Variants in ADAM28 observed in about 807,000 individuals in gnomAD.
The protein encoded by ADAM28 is ADAM metallopeptidase domain 28, also known as disintegrin and metalloproteinase domain-containing protein 28.
ADAM28 carries 105 observed loss-of-function variants against 101.2 expected under a neutral mutation model. The ratio of observed to expected loss-of-function variants is 1.04; its 90% CI spans 0.89 to 1.22. ADAM28 has a LOEUF of 1.22. ADAM28 is among the 50% of genes most tolerant of loss of function. The probability of loss-of-function intolerance (pLI) is 0.00; values close to 1 mark genes in which losing one functional copy is unlikely to be tolerated. For synonymous variants in ADAM28, 322 were observed against 310.6 expected (o/e 1.04, Z -0.39); for missense variants, 1,028 against 945.4 (o/e 1.09, Z -1.15).
rs1234595941 is a variant in ADAM28 at position 24,355,208 on chromosome 8, G to T, written c.*804G>T. 1 of 152,402 alleles carries T rather than the reference G, an allele frequency of 6.6e-6. No individual in the cohort carries two copies. The highest frequency in any genetic ancestry group is 2.4e-5 in the African/African-American group (1 of 41,422). 9.4% of individuals were successfully genotyped at this position (152,402 alleles called of 1,614,324 possible). ...GCATAAACAATAGATTCCCAGCTTT[G>T]TCAGATGTAATCTAAAAGTAATCCG... On this transcript the variant is annotated 3_prime_UTR_variant, in exon 23 of 23. Transcript: ENST00000265769.
At chr8:24,325,884 A>AACAAACAAAC (rs1554514044) in intron 9 of ADAM28, among the ~76,000 whole-genome samples, 1 of 119,612 alleles carries the variant, frequency 8.4e-6, no homozygotes, top group Non-Finnish European at 1.9e-5. Flanking sequence ...AAAAAAAAAA[A>AACAAACAAAC]AAAAAAAAAA....
Position 24,326,623 on chromosome 8 carries a change from TG to T in ADAM28, c.962del (p.Gly321AlafsTer42). ...CTACAATGTGTTCTCCTTATTCTGT[TG>T]GCGTTGTTCAGGTCTGTATGATGAT... The part of the protein sequence containing the change: ...MSTMCSPYSV[G>X]VVQDHSDNLL... On this transcript the variant is annotated frameshift_variant, in exon 10 of 23. Coordinates refer to ENST00000265769, the MANE Select transcript of ADAM28 (RefSeq NM_014265.6). LOFTEE classifies it high-confidence loss of function. The T allele has an allele frequency of 6.2e-7, 1 of 1,611,988 alleles. No homozygotes were observed. The highest frequency in any genetic ancestry group is 2.2e-5 in the East Asian group (1 of 44,780).
At chr8:24,326,273 T>C (rs551184228) in intron 9 of ADAM28, among the ~76,000 whole-genome samples, 19 of 152,132 alleles carry the variant, frequency 1.2e-4, no homozygotes, top group African/African-American at 4.1e-4. Context: ...AAAATAGCCT[T>C]TCTTTTTCTT....
intron 2 of ADAM28, 132 bp from the exon 3 acceptor site, chr8:24,309,762 G>C: frequency 1.6e-6 from 1 of 627,880 alleles, no homozygotes; most frequent in South Asian, 2.1e-5. Context: ...TCTGTCAAGA[G>C]GGGAAGAGGC....
chr8:24,344,088 G>A (rs768271415), intron 18 of ADAM28, among the ~76,000 whole-genome samples: 1 of 152,110 alleles, frequency 6.6e-6, no homozygotes, highest in Non-Finnish European at 1.5e-5. Flanking sequence ...TAGTTCACAC[G>A]GGATGTCTCT....
At chr8:24,314,733 AT>A (rs1303906965) in intron 6 of ADAM28, among the ~76,000 whole-genome samples, 5 of 151,874 alleles carry the variant, frequency 3.3e-5, no homozygotes, top group Admixed American at 6.6e-5. Flanking sequence ...TGAGTAAAAA[AT>A]AATGATGCCC....
At chr8:24,306,379 TATATATTTAA>T (rs1563270687) in intron 2 of ADAM28, among the ~76,000 whole-genome samples, 24 of 137,982 alleles carry the variant, frequency 1.7e-4, no homozygotes, top group African/African-American at 5.8e-4. Flanking sequence ...TATATATATA[TATATATTTAA>T]AAATATATAT....
At chr8:24,304,052 C>T (rs746591083) in intron 2 of ADAM28, among the ~76,000 whole-genome samples, 23 of 151,666 alleles carry the variant, frequency 1.5e-4, no homozygotes, top group Non-Finnish European at 2.9e-4. Flanking sequence ...CACACATGCA[C>T]GTGCACACCA....
chr8:24,335,699 A>T lies in ADAM28; in HGVS notation c.1567+58A>T, dbSNP rs1205677634. The T allele has an allele frequency of 4.7e-6, 7 of 1,483,316 alleles. No individual in the cohort carries two copies. In the African/African-American group the frequency reaches 7.0e-5, roughly 15 times the overall value. 91.9% of individuals were successfully genotyped at this position (1,483,316 alleles called of 1,614,324 possible). A position where few individuals can be genotyped will look rare whatever the true frequency, so the allele number is the denominator to read the frequency against. ...GCGAAGGAAAATCATTTCAGATGAC[A>T]GTGTTTAACCATGGTCAAAGGACCA... is the stretch of plus-strand genomic sequence containing the variant. On this transcript the variant is annotated intron_variant, in intron 14 of 22. Transcript: ENST00000265769.
At chr8:24,353,146 A>G (rs941061981) in intron 21 of ADAM28, among the ~76,000 whole-genome samples, 2 of 152,284 alleles carry the variant, frequency 1.3e-5, no homozygotes, top group East Asian at 1.9e-4. Context: ...TTATTGAGAA[A>G]CGATAAATAG....
At position 24,354,266 on chromosome 8, in the gene ADAM28, A is replaced by C. The variant is rs975674300; in HGVS notation, c.2308-118A>C. 6.9e-6 allele frequency: 6 copies of C among 864,942 alleles called. No homozygotes were observed. In the African/African-American group the frequency reaches 1.0e-4, roughly 15 times the overall value. The allele number at this position is 864,942 out of a possible 1,614,324, so 53.6% of individuals were successfully genotyped here. On this transcript the variant is annotated intron_variant, in intron 22 of 22. Transcript: ENST00000265769. The stretch of plus-strand genomic sequence containing the variant: ...TTCTTCGTTTTTGCTGTATCAAGTG[A>C]CCTATGAAATAGAAACTGACTTCAG...
At chr8:24,340,688 T>G (rs1472074317) in intron 15 of ADAM28, among the ~76,000 whole-genome samples, 2 of 152,180 alleles carry the variant, frequency 1.3e-5, no homozygotes, top group Non-Finnish European at 2.9e-5. Flanking sequence ...CCCTGTGCCC[T>G]AAACCATCCT....
rs1813333817 is a variant in ADAM28, at chr8:24,331,340, A to C, written c.1281+13A>C. On this transcript the variant is annotated intron_variant, in intron 12 of 22. Transcript: ENST00000265769. Reference sequence around the variant, plus strand: ...TGGGACATCTGAGGTATGGCCAATCACTTTCTAAAACGATCTAGTTGGTTT... The same window carrying C: ...TGGGACATCTGAGGTATGGCCAATCCCTTTCTAAAACGATCTAGTTGGTTT... 1.3e-6 allele frequency: 2 copies of C among 1,574,430 alleles called. No homozygotes were observed. Among genetic ancestry groups the C allele is most frequent in the Non-Finnish European group, 1.7e-6 (2 of 1,162,742 alleles).
chr8:24,335,095 T>C (rs781238773), intron 13 of ADAM28, among the ~76,000 whole-genome samples: 2 of 152,060 alleles, frequency 1.3e-5, no homozygotes, highest in Non-Finnish European at 2.9e-5. Flanking sequence ...TAAATCTCCT[T>C]GGAGTTCCTG....
intron 18 of ADAM28, among the ~76,000 whole-genome samples, 160 bp downstream of exon 18, chr8:24,343,744 C>G (rs1021419741): frequency 3.3e-5 from 5 of 152,054 alleles, no homozygotes; most frequent in Admixed American, 2.0e-4. Flanking sequence ...TCCTTAATAC[C>G]TTTTAATTAT....
In ADAM28 at chr8:24,356,723, A is replaced by C. The variant is rs2129349449; in HGVS notation, c.*2319A>C. ...TTTAACTACCTCAGATATGCCACCA[A>C]ACCTGTTTTCATCATTAGTTATTTT... On this transcript the variant is annotated 3_prime_UTR_variant, in exon 23 of 23. Coordinates refer to ENST00000265769, the MANE Select transcript of ADAM28 (RefSeq NM_014265.6). 6.6e-6 allele frequency: 1 copy of C among 152,272 alleles called. No individual in the cohort carries two copies. Among genetic ancestry groups the C allele is most frequent in the Non-Finnish European group, 1.5e-5 (1 of 68,014 alleles). The allele number at this position is 152,272 out of a possible 1,614,324, so 9.4% of individuals were successfully genotyped here.
In ADAM28 at chr8:24,349,939, A is replaced by G. The variant is rs1815873691; in HGVS notation, c.2066A>G (p.Gln689Arg). 6.2e-7 allele frequency: 1 copy of G among 1,613,540 alleles called. No homozygotes were observed. Among genetic ancestry groups the G allele is most frequent in the African/African-American group, 1.3e-5 (1 of 74,886 alleles). Reference sequence around the variant, plus strand: ...GTGGTTGCTATGGTAATCCGGCACCAGAGCTCCAGAGAAAAGCAGAAGAAA... The same window carrying G: ...GTGGTTGCTATGGTAATCCGGCACCGGAGCTCCAGAGAAAAGCAGAAGAAA... Reference protein sequence around the residue: ...FVVVAMVIRHQSSREKQKKDQ... With the variant: ...FVVVAMVIRHRSSREKQKKDQ... Residue 689 changes from glutamine to arginine, a missense_variant, in exon 19 of 23, where the codon CAG becomes CGG. Gln to Arg is a conservative substitution (Grantham distance 43). Transcript: ENST00000265769.
chr8:24,342,089 T>C (rs909249488), intron 16 of ADAM28, among the ~76,000 whole-genome samples: 2 of 152,210 alleles, frequency 1.3e-5, no homozygotes, highest in Non-Finnish European at 2.9e-5. Flanking sequence ...ATAGACGAAG[T>C]CTGAAAACTC....
chr8:24,355,399 A>ATCTAATC lies in ADAM28; in HGVS notation c.*995_*996insTCTAATC, dbSNP rs71212529. On this transcript the variant is annotated 3_prime_UTR_variant, in exon 23 of 23. Transcript: ENST00000265769. ...ACTTCTAGGAAAGAATATCCTATCTAATCTATCTATCTCAGGGATAAATCC... is the reference window on the plus strand; with the variant it reads ...ACTTCTAGGAAAGAATATCCTATCTATCTAATCATCTATCTATCTCAGGGATAAATCC... The ATCTAATC allele has an allele frequency of 4.1e-5, 6 of 146,114 alleles. No homozygotes were observed. Among genetic ancestry groups the ATCTAATC allele is most frequent in the Non-Finnish European group, 7.6e-5 (5 of 65,796 alleles). 9.1% of individuals were successfully genotyped at this position (146,114 alleles called of 1,614,324 possible).
Sources: gnomAD v4.1 joint callset for allele counts (sites outside exome capture counted in the v4.1 genomes callset) on GRCh38, gnomAD v4.1.1 for gene constraint, MANE v1.5 for transcripts, NCBI Gene and HGNC (gene_info 2026-07-23, HGNC 2026-07-21) for gene names.